The following CCM2 variants were observed in gnomAD, a reference collection of about 807,000 sequenced individuals.
The protein encoded by CCM2 is cerebral cavernous malformations 2 protein.
Under a neutral mutation model 44.9 loss-of-function variants are expected in CCM2, and 25 were observed. That is an observed-to-expected ratio of 0.56 (90% CI 0.41 to 0.78). The LOEUF is 0.78. Among genes scored for constraint, CCM2 ranks in the 30% least tolerant of loss-of-function variants. CCM2 has a pLI of 0.00. For synonymous variants in CCM2, 219 were observed against 241.1 expected (o/e 0.91, Z 0.85); for missense variants, 481 against 580.6 (o/e 0.83, Z 1.76).
At chr7:45,004,307 T>A (rs1235485398) in intron 1 of CCM2, among the ~76,000 whole-genome samples, 1 of 152,178 alleles carries the variant, frequency 6.6e-6, no homozygotes, top group East Asian at 1.9e-4. Flanking sequence ...TCTGAGATAT[T>A]TGTAGGTGAA....
chr7:45,037,418 CTTTTT>C (rs11424221), intron 1 of CCM2, among the ~76,000 whole-genome samples: 1 of 112,094 alleles, frequency 8.9e-6, no homozygotes, highest in Admixed American at 1.0e-4. Flanking sequence ...TCTCCCCCTA[CTTTTT>C]TTTTTTTTTT....
chr7:45,007,348 T>C (rs1457172600), intron 1 of CCM2, among the ~76,000 whole-genome samples: 4 of 152,166 alleles, frequency 2.6e-5, no homozygotes, highest in Non-Finnish European at 5.9e-5. Flanking sequence ...TTGTGAACAG[T>C]GGATCTTTGT....
chr7:45,042,676 C>T (rs1797568823), intron 2 of CCM2, among the ~76,000 whole-genome samples: 1 of 152,126 alleles, frequency 6.6e-6, no homozygotes, highest in South Asian at 2.1e-4. Context: ...CAAGCAACTC[C>T]ACACACAGTG....
intron 1 of CCM2, among the ~76,000 whole-genome samples, chr7:45,009,083 C>T (rs1445072644): frequency 6.6e-6 from 1 of 152,022 alleles, no homozygotes; most frequent in East Asian, 1.9e-4. Context: ...AGGCAGATCA[C>T]CTGAGATCAG....
rs1224395700 is a variant in CCM2 at position 45,076,161 on chromosome 7, G to A, written c.*104G>A. On this transcript the variant is annotated 3_prime_UTR_variant, in exon 10 of 10. Transcript: ENST00000258781. ...GTGTCAGCCCTTGGTGGTGGCCAGG[G>A]AGAGGCGCCCGGTGCAGATGGCCCC... is the stretch of plus-strand genomic sequence containing the variant. 8 of 1,540,132 alleles carry A rather than the reference G, an allele frequency of 5.2e-6. No individual in the cohort carries two copies. In the African/African-American group the frequency reaches 6.8e-5, roughly 13 times the overall value.
rs537725520 is a variant in CCM2 at position 45,048,950 on chromosome 7, T to G, written c.204+10524T>G. 4.6e-5 allele frequency among the ~76,000 whole-genome samples: 7 copies of G among 152,286 alleles called. No individual in the cohort carries two copies. The South Asian group carries it at 1.5e-3, about 32-fold the overall frequency. On this transcript the variant is annotated intron_variant, in intron 2 of 9. Coordinates refer to ENST00000258781, the MANE Select transcript of CCM2 (RefSeq NM_031443.4). ...TTGTGATAACAAACCCAAGAAGCTC[T>G]TCTCAGATTTGTTATTATTTTTTGA...
intron 1 of CCM2, among the ~76,000 whole-genome samples, chr7:45,001,686 G>T (rs2128708940): frequency 6.6e-6 from 1 of 151,836 alleles, no homozygotes; most frequent in African/African-American, 2.4e-5. Context: ...TGATAGGCAA[G>T]GATGGAATTG....
At chr7:45,069,342 T>C (rs1798941082) in intron 5 of CCM2, among the ~76,000 whole-genome samples, 1 of 152,224 alleles carries the variant, frequency 6.6e-6, no homozygotes, top group Non-Finnish European at 1.5e-5. Context: ...TCTCCAGATA[T>C]TGCTACATGT....
chr7:45,046,337 T>C (rs1866581), intron 2 of CCM2, among the ~76,000 whole-genome samples: 74,954 of 152,104 alleles, frequency 0.49, 19,136 homozygotes, highest in African/African-American at 0.62. Flanking sequence ...AGTCAGCCTG[T>C]CTGATTTCAA....
At position 45,076,228 on chromosome 7, in the gene CCM2, C is replaced by T. The variant is rs532150311; in HGVS notation, c.*171C>T. On this transcript the variant is annotated 3_prime_UTR_variant, in exon 10 of 10. Coordinates refer to ENST00000258781, the MANE Select transcript of CCM2 (RefSeq NM_031443.4). ...CTACTGTGAAGGAGCAGGGAGCTGC[C>T]GAGGGACACGAGCCTCAGTGCGGGG... 3.1e-4 allele frequency: 276 copies of T among 885,748 alleles called. No homozygotes were observed. The highest frequency in any genetic ancestry group is 4.6e-4 in the Non-Finnish European group (257 of 555,812). The allele number at this position is 885,748 out of a possible 1,614,324, so 54.9% of individuals were successfully genotyped here.
At chr7:45,000,457 G>C (rs1214631491) in intron 1 of CCM2, 94 bp downstream of exon 1, 1 of 337,374 alleles carries the variant, frequency 3.0e-6, no homozygotes, top group Non-Finnish European at 4.8e-6. Flanking sequence ...TGGGGCCCGG[G>C]GGGGGGGGCA....
intron 1 of CCM2, among the ~76,000 whole-genome samples, chr7:45,035,464 C>T (rs1342862930): frequency 1.3e-5 from 2 of 152,006 alleles, no homozygotes; most frequent in African/African-American, 2.4e-5. Context: ...GGGCCTATTC[C>T]AGGTCAAAGG....
In CCM2 at chr7:45,010,609, T is replaced by A. The variant is rs548528179; in HGVS notation, c.30+10246T>A. On this transcript the variant is annotated intron_variant, in intron 1 of 9. Transcript: ENST00000258781. The stretch of plus-strand genomic sequence containing the variant: ...CTAGTTTGTGTATATATATATATAT[T>A]TTTTTGAGATGGAGTTTTGCTCTTG... Among the ~76,000 whole-genome samples, 11 of 151,910 alleles carry A rather than the reference T, an allele frequency of 7.2e-5. No individual in the cohort carries two copies. The South Asian group carries it at 1.7e-3, about 23-fold the overall frequency.
chr7:45,050,940 A>G (rs1389644992), intron 2 of CCM2, among the ~76,000 whole-genome samples: 1 of 152,186 alleles, frequency 6.6e-6, no homozygotes, highest in Non-Finnish European at 1.5e-5. Context: ...AAGATGCCTG[A>G]AAATCATAGA....
At chr7:45,072,333 A>C in intron 6 of CCM2, 1 of 358,326 alleles carries the variant, frequency 2.8e-6, no homozygotes, top group Non-Finnish European at 5.4e-6. Flanking sequence ...TAACTCTCTG[A>C]CTTACTTCCT....
chr7:45,035,731 G>T (rs1797183789), intron 1 of CCM2, among the ~76,000 whole-genome samples: 1 of 152,058 alleles, frequency 6.6e-6, no homozygotes, highest in Non-Finnish European at 1.5e-5. Flanking sequence ...CCTGTTGGGG[G>T]CACGAATGAA....
At chr7:45,028,540 C>G (rs1796798705) in intron 1 of CCM2, among the ~76,000 whole-genome samples, 1 of 151,994 alleles carries the variant, frequency 6.6e-6, no homozygotes. Flanking sequence ...ACCTGTAATC[C>G]CAGCTATTTG....
intron 1 of CCM2, among the ~76,000 whole-genome samples, chr7:45,033,832 A>C (rs1461588650): frequency 6.6e-6 from 1 of 152,152 alleles, no homozygotes; most frequent in African/African-American, 2.4e-5. Flanking sequence ...AGAGTGCCAG[A>C]AGAGAGGAAA....
intron 1 of CCM2, among the ~76,000 whole-genome samples, chr7:45,003,383 A>G (rs772762415): frequency 6.6e-5 from 10 of 151,998 alleles, no homozygotes; most frequent in Non-Finnish European, 1.0e-4. Context: ...ATTCCTTTTT[A>G]TTAGAAACTT....
Sources: allele counts gnomAD v4.1 joint callset (sites outside exome capture counted in the v4.1 genomes callset), GRCh38; gene constraint gnomAD v4.1.1; transcripts MANE v1.5; gene names NCBI Gene and HGNC (gene_info 2026-07-23, HGNC 2026-07-21).